SFSWAP: variants seen among roughly 807,000 people sequenced by gnomAD.
SFSWAP encodes splicing factor SWAP.
Under a neutral mutation model 100.7 loss-of-function variants are expected in SFSWAP, and 17 were observed. That is an observed-to-expected ratio of 0.17 (90% CI 0.12 to 0.25). The LOEUF is 0.25. Ranked by LOEUF, SFSWAP falls within the 10% of genes least tolerant of loss-of-function variation. The pLI is 1.00. For synonymous variants in SFSWAP, 504 were observed against 510.1 expected (o/e 0.99, Z 0.16); for missense variants, 1,005 against 1,262.6 (o/e 0.80, Z 3.09).
intron 7 of SFSWAP, among the ~76,000 whole-genome samples, chr12:131,741,097 G>A (rs1188146652): frequency 2.7e-5 from 4 of 147,244 alleles, no homozygotes; most frequent in Admixed American, 1.4e-4. Context: ...TCAGCCTCTC[G>A]AGTAGCTGGG....
At chr12:131,748,461 A>G (rs1038655707) in intron 7 of SFSWAP, among the ~76,000 whole-genome samples, 108 of 152,144 alleles carry the variant, frequency 7.1e-4, no homozygotes, top group Middle Eastern at 3.4e-3. Flanking sequence ...TGGCCAGCCT[A>G]TTTTCATTCT....
At chr12:131,765,109 C>T (rs1883000561) in intron 12 of SFSWAP, among the ~76,000 whole-genome samples, 1 of 152,214 alleles carries the variant, frequency 6.6e-6, no homozygotes, top group Admixed American at 6.5e-5. Flanking sequence ...GGTGGTGTGT[C>T]CCCAGCTGGT....
chr12:131,776,326 C>G (rs1022939411), intron 13 of SFSWAP, among the ~76,000 whole-genome samples: 1 of 152,086 alleles, frequency 6.6e-6, no homozygotes, highest in African/African-American at 2.4e-5. Context: ...TCTTGCCCGC[C>G]GCACACCCAC....
intron 7 of SFSWAP, among the ~76,000 whole-genome samples, chr12:131,739,023 G>A (rs992020303): frequency 3.4e-5 from 5 of 149,118 alleles, no homozygotes; most frequent in East Asian, 4.0e-4. Flanking sequence ...GGGACCACAG[G>A]CATGTGCCAC....
intron 14 of SFSWAP, among the ~76,000 whole-genome samples, chr12:131,786,092 G>A (rs544473705): frequency 3.9e-5 from 6 of 152,298 alleles, no homozygotes; most frequent in Admixed American, 6.5e-5. Flanking sequence ...AAGAGGAAGC[G>A]CCAGCCTGAG....
At chr12:131,751,408 C>CT (rs1359446178) in intron 7 of SFSWAP, among the ~76,000 whole-genome samples, 1 of 152,234 alleles carries the variant, frequency 6.6e-6, no homozygotes, top group African/African-American at 2.4e-5. Flanking sequence ...GTCCTTCCTG[C>CT]TGAGGTGGGA....
intron 14 of SFSWAP, chr12:131,783,808 A>AAT (rs1884685651): frequency 7.5e-6 from 1 of 133,260 alleles, no homozygotes; most frequent in Non-Finnish European, 1.6e-5. Flanking sequence ...ATATATATAT[A>AAT]TATATATATA....
At chr12:131,722,240 G>A (rs1252382846) in intron 4 of SFSWAP, among the ~76,000 whole-genome samples, 1 of 152,140 alleles carries the variant, frequency 6.6e-6, no homozygotes, top group African/African-American at 2.4e-5. Flanking sequence ...TGAGGCTTTT[G>A]GATGAAGAGT....
intron 13 of SFSWAP, among the ~76,000 whole-genome samples, chr12:131,773,187 C>A (rs1270118834): frequency 3.9e-5 from 6 of 152,162 alleles, no homozygotes. Flanking sequence ...TTCCCTGCCT[C>A]CTGCCTGTAT....
intron 8 of SFSWAP, among the ~76,000 whole-genome samples, chr12:131,753,856 G>A (rs1423060563): frequency 1.3e-5 from 2 of 152,148 alleles, no homozygotes. Flanking sequence ...CAGCAGCGAG[G>A]GCCCCCAGTG....
At position 131,711,490 on chromosome 12, in the gene SFSWAP, C is replaced by T. The variant is rs961144632; in HGVS notation, c.218+43C>T. 31 of 1,497,384 alleles carry T rather than the reference C, an allele frequency of 2.1e-5. No individual in the cohort carries two copies. Among genetic ancestry groups the T allele is most frequent in the Non-Finnish European group, 2.7e-5 (29 of 1,078,580 alleles). The allele number at this position is 1,497,384 out of a possible 1,614,324, so 92.8% of individuals were successfully genotyped here. The stretch of plus-strand genomic sequence containing the variant: ...CCCGTCGATCCTTCCCTTCCCTCAC[C>T]CGCTTGATCTCGTCTGATGTTGACT... On this transcript the variant is annotated intron_variant, in intron 1 of 17. Transcript: ENST00000261674. This position sits in a 1 kb window ranked among gnomAD's most constrained non-coding sequence, Gnocchi z 4.9.
At chr12:131,772,148 AT>A (rs1883664518) in intron 13 of SFSWAP, among the ~76,000 whole-genome samples, 1 of 152,094 alleles carries the variant, frequency 6.6e-6, no homozygotes, top group South Asian at 2.1e-4. Flanking sequence ...CTTGGAATTT[AT>A]TTGAGTTTGA....
At chr12:131,735,260 T>C (rs1404385161) in intron 7 of SFSWAP, among the ~76,000 whole-genome samples, 2 of 152,206 alleles carry the variant, frequency 1.3e-5, no homozygotes, top group Non-Finnish European at 2.9e-5. Context: ...CCTGAAGATT[T>C]ATGCGCGCTT....
intron 14 of SFSWAP, among the ~76,000 whole-genome samples, chr12:131,779,238 T>TGAAGAGGGCGGCGCGG (rs1884288853): frequency 6.8e-6 from 1 of 148,080 alleles, no homozygotes; most frequent in African/African-American, 2.5e-5. Flanking sequence ...CGGGTGAGCG[T>TGAAGAGGGCGGCGCGG]GTGTGAAGAG....
At chr12:131,755,251 A>G (rs1882049317) in intron 9 of SFSWAP, 135 bp from the exon 10 acceptor site, 7 of 649,440 alleles carry the variant, frequency 1.1e-5, no homozygotes, top group African/African-American at 5.4e-5. Flanking sequence ...TCCCTCGTCT[A>G]TAAGATGAGT....
intron 5 of SFSWAP, among the ~76,000 whole-genome samples, chr12:131,726,225 C>T (rs1878960599): frequency 6.6e-6 from 1 of 151,172 alleles, no homozygotes; most frequent in African/African-American, 2.4e-5. Flanking sequence ...TAATTGGCGA[C>T]AGAGTCTCGC....
intron 8 of SFSWAP, among the ~76,000 whole-genome samples, chr12:131,753,723 C>G (rs1881882124): frequency 6.6e-6 from 1 of 152,190 alleles, no homozygotes; most frequent in Non-Finnish European, 1.5e-5. Flanking sequence ...CATGCAGGTT[C>G]ATAAAGTTGA....
chr12:131,725,650 T>C lies in SFSWAP; in HGVS notation c.832+20T>C. The stretch of plus-strand genomic sequence containing the variant: ...AAAAAAGTAGGTCCCACTGCGTCTG[T>C]TCCGTCCAGACTTTGGGCCTGTGTT... On this transcript the variant is annotated intron_variant, in intron 5 of 17. Transcript: ENST00000261674. The surrounding 1 kb of genome is among the most constrained non-coding windows in gnomAD (Gnocchi z 4.3). The C allele has an allele frequency of 6.3e-7, 1 of 1,582,112 alleles. No homozygotes were observed. Among genetic ancestry groups the C allele is most frequent in the Non-Finnish European group, 8.6e-7 (1 of 1,156,898 alleles).
In SFSWAP at chr12:131,754,379, C is replaced by G. The variant is rs771151454; in HGVS notation, c.1334C>G (p.Pro445Arg). The change falls in exon 9 of 18, where the codon CCC (proline) becomes CGC (arginine). Residue 445 changes from proline to arginine, a missense_variant. Physicochemically the swap from Pro to Arg is moderately radical, Grantham distance 103. Around this residue, in one of 7 missense-constraint regions of SFSWAP, gnomAD observed 311 missense variants for 317.8 expected, o/e 0.98. Coordinates refer to ENST00000261674, the MANE Select transcript of SFSWAP (RefSeq NM_004592.4). ...STTTTTSALA[P>R]VAAIIPPPPD... Reference sequence around the variant, plus strand: ...CTCTTCTCCTGCAGTGCACTTGCCCCCGTGGCCGCCATCATCCCCCCGCCC... The same window carrying G: ...CTCTTCTCCTGCAGTGCACTTGCCCGCGTGGCCGCCATCATCCCCCCGCCC... 7 of 1,572,978 alleles carry G rather than the reference C, an allele frequency of 4.5e-6. No homozygotes were observed. In the East Asian group the frequency reaches 1.6e-4, roughly 37 times the overall value.
Sources: gnomAD v4.1 joint callset for allele counts (sites outside exome capture counted in the v4.1 genomes callset) on GRCh38, gnomAD v4.1.1 for gene constraint, gnomAD v4.1.1 regional missense constraint, Gnocchi (gnomAD v3.1) non-coding constraint, MANE v1.5 for transcripts, NCBI Gene and HGNC (gene_info 2026-07-23, HGNC 2026-07-21) for gene names.